SGCZ: variants seen among roughly 807,000 people sequenced by gnomAD.
SGCZ encodes the protein sarcoglycan zeta, also known as zeta-sarcoglycan.
Under a neutral mutation model 41.3 loss-of-function variants are expected in SGCZ, and 40 were observed. The observed-to-expected ratio is 0.97, with a 90% CI of 0.75 to 1.26. The LOEUF is 1.26. Ranked by LOEUF, SGCZ falls within the 50% of genes most tolerant of loss-of-function variation. The probability of loss-of-function intolerance (pLI) is 0.00; values close to 1 mark genes in which losing one functional copy is unlikely to be tolerated. For synonymous variants in SGCZ, 206 were observed against 137.5 expected (o/e 1.50, Z -3.49); for missense variants, 552 against 369.8 (o/e 1.49, Z -4.04).
chr8:14,420,320 G>A (rs902283577), intron 2 of SGCZ, among the ~76,000 whole-genome samples: 4 of 151,894 alleles, frequency 2.6e-5, no homozygotes. Context: ...ACTCAAAAAA[G>A]GGCTAATAAC....
chr8:14,722,505 TTATG>T (rs1809919366), intron 1 of SGCZ, among the ~76,000 whole-genome samples: 1 of 152,092 alleles, frequency 6.6e-6, no homozygotes, highest in Admixed American at 6.6e-5. Flanking sequence ...TGACATACTT[TTATG>T]TATGTATTTA....
At chr8:14,577,238 G>A (rs189370747) in intron 1 of SGCZ, among the ~76,000 whole-genome samples, 2,309 of 152,192 alleles carry the variant, frequency 0.015, 46 homozygotes, top group Admixed American at 0.053. Flanking sequence ...TTAGTTCACT[G>A]AAAACAACTT....
intron 1 of SGCZ, among the ~76,000 whole-genome samples, chr8:14,762,187 T>G (rs1480559094): frequency 2.0e-5 from 3 of 152,098 alleles, no homozygotes; most frequent in Admixed American, 2.0e-4. Context: ...TTTTGAGTAT[T>G]GAAAAATAGC....
At chr8:14,879,636 A>C (rs901640039) in intron 1 of SGCZ, 4 of 151,144 alleles carry the variant, frequency 2.6e-5, no homozygotes, top group African/African-American at 9.7e-5. Flanking sequence ...TTGCTTCATT[A>C]GTAACAGTTC....
chr8:14,960,229 G>C (rs1305292824), intron 1 of SGCZ, among the ~76,000 whole-genome samples: 1 of 152,132 alleles, frequency 6.6e-6, no homozygotes, highest in East Asian at 1.9e-4. Context: ...AGGCACTACA[G>C]TGTAGACTGT....
At chr8:14,739,243 G>A (rs998903660) in intron 1 of SGCZ, among the ~76,000 whole-genome samples, 3 of 151,734 alleles carry the variant, frequency 2.0e-5, no homozygotes, top group Admixed American at 6.6e-5. Context: ...TCTAAATACA[G>A]CATCTGCATA....
rs1241658359 is a variant in SGCZ at position 14,582,910 on chromosome 8, G to A, written c.40-27984C>T. Among the ~76,000 whole-genome samples the A allele has an allele frequency of 3.0e-4, 46 of 151,880 alleles. No individual in the cohort carries two copies. In the East Asian group the frequency reaches 8.3e-3, roughly 28 times the overall value. ...CATTTTCTTAATCCAGTCTATCATTGTTGGACATTTGGGTTGGTTCCAAGT... is the reference window on the plus strand; with the variant it reads ...CATTTTCTTAATCCAGTCTATCATTATTGGACATTTGGGTTGGTTCCAAGT... On this transcript the variant is annotated intron_variant, in intron 1 of 7. Coordinates refer to ENST00000382080, the MANE Select transcript of SGCZ (RefSeq NM_139167.4).
chr8:14,412,088 T>C (rs1039943438), intron 2 of SGCZ, among the ~76,000 whole-genome samples: 3 of 152,086 alleles, frequency 2.0e-5, no homozygotes, highest in Non-Finnish European at 2.9e-5. Flanking sequence ...CATTCAAAGA[T>C]TGATTTGCAG....
chr8:15,058,345 A>G (rs1804792208), intron 1 of SGCZ, among the ~76,000 whole-genome samples: 2 of 152,148 alleles, frequency 1.3e-5, no homozygotes, highest in African/African-American at 2.4e-5. Context: ...AAAAATGGCA[A>G]GTTAAGCTGA....
At chr8:14,835,263 T>G (rs1374690623) in intron 1 of SGCZ, among the ~76,000 whole-genome samples, 1 of 152,192 alleles carries the variant, frequency 6.6e-6, no homozygotes, top group Non-Finnish European at 1.5e-5. Flanking sequence ...TTTTCATCTG[T>G]CATTTGCGAA....
At position 15,157,046 on chromosome 8, in the gene SGCZ, A is replaced by G. The variant is rs185638192; in HGVS notation, c.39+80539T>C. On this transcript the variant is annotated intron_variant, in intron 1 of 7. Coordinates refer to ENST00000382080, the MANE Select transcript of SGCZ (RefSeq NM_139167.4). ...TCTTTTCTCTGGGAATCTTTCATGAAAAAAACATGAACAGTGAACCTCCAA... is the reference window on the plus strand; with the variant it reads ...TCTTTTCTCTGGGAATCTTTCATGAGAAAAACATGAACAGTGAACCTCCAA... Among the ~76,000 whole-genome samples the G allele has an allele frequency of 9.8e-3, 1,495 of 152,256 alleles. 14 individuals are homozygous for G. Among genetic ancestry groups the G allele is most frequent in the South Asian group, 0.02 (94 of 4,820 alleles).
intron 5 of SGCZ, among the ~76,000 whole-genome samples, chr8:14,147,890 T>C (rs1475792749): frequency 6.6e-6 from 1 of 152,032 alleles, no homozygotes; most frequent in Non-Finnish European, 1.5e-5. Flanking sequence ...TAGAAATTAA[T>C]AATAAGAGGA....
chr8:14,224,095 C>A (rs189620342), intron 4 of SGCZ, among the ~76,000 whole-genome samples: 29 of 152,270 alleles, frequency 1.9e-4, no homozygotes, highest in African/African-American at 7.0e-4. Flanking sequence ...TATTCTGGTA[C>A]CCTTAGCTCA....
chr8:14,208,909 T>G (rs1411850667), intron 4 of SGCZ, among the ~76,000 whole-genome samples: 5 of 152,156 alleles, frequency 3.3e-5, no homozygotes, highest in Admixed American at 3.3e-4. Flanking sequence ...TACTGAAAGG[T>G]AGCCCCCAAA....
intron 2 of SGCZ, among the ~76,000 whole-genome samples, chr8:14,471,909 A>G (rs1801223068): frequency 6.6e-6 from 1 of 152,090 alleles, no homozygotes; most frequent in African/African-American, 2.4e-5. Context: ...ATAATGACAA[A>G]TAAATACATC....
chr8:14,443,523 T>G (rs1404756709), intron 2 of SGCZ, among the ~76,000 whole-genome samples: 1 of 152,152 alleles, frequency 6.6e-6, no homozygotes, highest in African/African-American at 2.4e-5. Context: ...TACAACTATC[T>G]GATCTTTGAC....
chr8:15,166,083 C>A (rs976286328), intron 1 of SGCZ, among the ~76,000 whole-genome samples: 2 of 152,124 alleles, frequency 1.3e-5, no homozygotes, highest in Non-Finnish European at 2.9e-5. Context: ...AATAGCCTTC[C>A]CAAAATCAAA....
At chr8:14,190,381 G>A (rs7842239) in intron 4 of SGCZ, among the ~76,000 whole-genome samples, 111,763 of 148,898 alleles carry the variant, frequency 0.75, 42,922 homozygotes, top group African/African-American at 0.91. Context: ...GTGTGTGTGT[G>A]TATATATATA....
At position 15,171,256 on chromosome 8, in the gene SGCZ, A is replaced by C. The variant is rs1469408719; in HGVS notation, c.39+66329T>G. On this transcript the variant is annotated intron_variant, in intron 1 of 7. Transcript: ENST00000382080. ...CATCGAAGTATATTTTAAAAGCTTAAAGTTGAAAGAGATTGTGCAGGGTAA... is the reference window on the plus strand; with the variant it reads ...CATCGAAGTATATTTTAAAAGCTTACAGTTGAAAGAGATTGTGCAGGGTAA... 3.9e-5 allele frequency among the ~76,000 whole-genome samples: 6 copies of C among 152,298 alleles called. No individual in the cohort carries two copies. The East Asian group carries it at 1.2e-3, about 29-fold the overall frequency.
Sources: allele counts gnomAD v4.1 joint callset (sites outside exome capture counted in the v4.1 genomes callset), GRCh38; gene constraint gnomAD v4.1.1; transcripts MANE v1.5; gene names NCBI Gene and HGNC (gene_info 2026-07-23, HGNC 2026-07-21).